The following PDE11A variants were observed in gnomAD, a reference collection of about 807,000 sequenced individuals.
PDE11A encodes the protein dual 3',5'-cyclic-AMP and -GMP phosphodiesterase 11A.
PDE11A carries 100 observed loss-of-function variants against 100.5 expected under a neutral mutation model. That is an observed-to-expected ratio of 1.00 (90% CI 0.85 to 1.18). The LOEUF is 1.18. Ranked by LOEUF, PDE11A falls within the 50% of genes most tolerant of loss-of-function variation. The probability of loss-of-function intolerance (pLI) is 0.00; values close to 1 mark genes in which losing one functional copy is unlikely to be tolerated. For synonymous variants in PDE11A, 381 were observed against 420.8 expected (o/e 0.91, Z 1.16); for missense variants, 1,141 against 1,152.6 (o/e 0.99, Z 0.15).
Position 177,991,945 on chromosome 2 carries a change from T to C in PDE11A, c.1071+22357A>G, listed in dbSNP as rs375444264. Among the ~76,000 whole-genome samples the C allele has an allele frequency of 1.4e-4, 21 of 151,406 alleles. 1 individual carries two copies. Among genetic ancestry groups the C allele is most frequent in the African/African-American group, 5.1e-4 (21 of 41,272 alleles). ...AGTCCGACAAGAGACCCTAATTAAA[T>C]TTCTAACTGTTCTCTAAATAACACA... On this transcript the variant is annotated intron_variant, in intron 2 of 19. Transcript: ENST00000286063.
At chr2:177,675,644 C>T in intron 16 of PDE11A, 126 bp from the exon 17 acceptor site, 1 of 749,228 alleles carries the variant, frequency 1.3e-6, no homozygotes, top group Admixed American at 2.0e-5. Context: ...TTCCTTTCCT[C>T]AACAAGGGGC....
At chr2:177,630,561 G>A (rs576053773) in intron 19 of PDE11A, among the ~76,000 whole-genome samples, 69 of 152,178 alleles carry the variant, frequency 4.5e-4, no homozygotes, top group Middle Eastern at 6.8e-3. Context: ...AAGAGCAATA[G>A]GTAAATATTT....
chr2:177,727,935 C>T, intron 11 of PDE11A, 91 bp downstream of exon 11: 1 of 1,185,406 alleles, frequency 8.4e-7, no homozygotes, highest in Non-Finnish European at 1.3e-6. Context: ...GGATTATCAT[C>T]CCCATTTTGT....
chr2:177,634,383 TCTC>T (rs2080001003), intron 19 of PDE11A, among the ~76,000 whole-genome samples: 1 of 56,396 alleles, frequency 1.8e-5, no homozygotes, highest in Admixed American at 1.9e-4. Context: ...TTACTTTTTC[TCTC>T]TCTCTTTTTT....
At chr2:178,017,220 A>G (rs2086349839) in intron 1 of PDE11A, among the ~76,000 whole-genome samples, 1 of 152,282 alleles carries the variant, frequency 6.6e-6, no homozygotes, top group South Asian at 2.1e-4. Context: ...GCATGTATGT[A>G]GAGACATTTT....
intron 13 of PDE11A, among the ~76,000 whole-genome samples, chr2:177,709,655 AG>A (rs1440957343): frequency 6.6e-6 from 1 of 152,258 alleles, no homozygotes; most frequent in East Asian, 1.9e-4. Flanking sequence ...AGGAAGAGGG[AG>A]GGCATCATCA....
chr2:177,708,790 C>T (rs778518363), intron 13 of PDE11A, among the ~76,000 whole-genome samples: 11 of 151,264 alleles, frequency 7.3e-5, no homozygotes, highest in Non-Finnish European at 5.9e-5. Flanking sequence ...TATTATGCTC[C>T]CCCAAGTACT....
At chr2:177,729,379 G>A (rs1049884519) in intron 10 of PDE11A, among the ~76,000 whole-genome samples, 1 of 152,150 alleles carries the variant, frequency 6.6e-6, no homozygotes, top group African/African-American at 2.4e-5. Context: ...AGTCTGATGT[G>A]TAGTTTTCAT....
At chr2:177,785,280 T>C (rs1423280488) in intron 9 of PDE11A, among the ~76,000 whole-genome samples, 2 of 145,646 alleles carry the variant, frequency 1.4e-5, no homozygotes, top group African/African-American at 5.3e-5. Context: ...AATATGATCA[T>C]GGGCCCAGAT....
intron 15 of PDE11A, among the ~76,000 whole-genome samples, chr2:177,682,670 C>T (rs553430954): frequency 6.6e-5 from 10 of 152,206 alleles, no homozygotes; most frequent in Non-Finnish European, 1.5e-4. Flanking sequence ...TCCTAACACA[C>T]CATTTCCCAA....
At chr2:177,631,768 T>C (rs1055848626) in intron 19 of PDE11A, among the ~76,000 whole-genome samples, 3 of 151,182 alleles carry the variant, frequency 2.0e-5, no homozygotes, top group African/African-American at 7.3e-5. Flanking sequence ...CTGTTTTCCA[T>C]CTCCAGGGTC....
chr2:177,689,536 G>C (rs16865593), intron 15 of PDE11A, among the ~76,000 whole-genome samples: 13,220 of 152,166 alleles, frequency 0.087, 1,925 homozygotes, highest in African/African-American at 0.3. Flanking sequence ...GCAGATTCTA[G>C]AGAGATTTCT....
intron 10 of PDE11A, among the ~76,000 whole-genome samples, chr2:177,741,327 T>C (rs547133152): frequency 3.3e-5 from 5 of 152,302 alleles, no homozygotes; most frequent in African/African-American, 9.6e-5. Context: ...TGTAGGACAC[T>C]AGTCATTGGA....
At chr2:177,766,058 G>A (rs990349853) in intron 10 of PDE11A, among the ~76,000 whole-genome samples, 1 of 152,128 alleles carries the variant, frequency 6.6e-6, no homozygotes, top group Non-Finnish European at 1.5e-5. Context: ...CCAATACACT[G>A]GGACTCAGCC....
intron 5 of PDE11A, among the ~76,000 whole-genome samples, chr2:177,863,153 A>G (rs1269550705): frequency 1.3e-5 from 2 of 151,994 alleles, no homozygotes; most frequent in African/African-American, 4.8e-5. Flanking sequence ...ATATTGGACC[A>G]TTATCTTACA....
At chr2:177,996,776 C>A (rs1480458626) in intron 2 of PDE11A, among the ~76,000 whole-genome samples, 1 of 152,098 alleles carries the variant, frequency 6.6e-6, no homozygotes, top group Non-Finnish European at 1.5e-5. Flanking sequence ...TACCCTTCTC[C>A]ATATATTGGG....
chr2:177,752,440 A>G (rs2082037593), intron 10 of PDE11A, among the ~76,000 whole-genome samples: 1 of 152,210 alleles, frequency 6.6e-6, no homozygotes, highest in Admixed American at 6.5e-5. Context: ...CTTAGGCTTC[A>G]GTCTTTTCAT....
At chr2:177,686,725 TGGAG>T (rs2080957458) in intron 15 of PDE11A, 3 of 142,778 alleles carry the variant, frequency 2.1e-5, no homozygotes, top group Non-Finnish European at 3.0e-5. Flanking sequence ...TTTTTTTTTT[TGGAG>T]ATGGAGTTTC....
chr2:177,859,228 C>T (rs928086654), intron 5 of PDE11A, among the ~76,000 whole-genome samples: 15 of 151,116 alleles, frequency 9.9e-5, no homozygotes, highest in African/African-American at 3.6e-4. Context: ...CACATGTACC[C>T]TAAAAGTATA....
Sources: gnomAD v4.1 joint callset for allele counts (sites outside exome capture counted in the v4.1 genomes callset) on GRCh38, gnomAD v4.1.1 for gene constraint, MANE v1.5 for transcripts, NCBI Gene and HGNC (gene_info 2026-07-23, HGNC 2026-07-21) for gene names.